The following KMT2C variants were observed in gnomAD, a reference collection of about 807,000 sequenced individuals.
The protein encoded by KMT2C is lysine methyltransferase 2C.
In KMT2C, 88 loss-of-function variants were observed where a neutral mutation model predicts 507.9. That is an observed-to-expected ratio of 0.17 (90% CI 0.15 to 0.21). The LOEUF (loss-of-function observed/expected upper bound fraction) is 0.21, where lower values mean the gene tolerates loss of function less well. Among genes scored for constraint, KMT2C ranks in the 10% least tolerant of loss-of-function variants. The pLI is 1.00. For synonymous variants in KMT2C, 2,049 were observed against 2,080.8 expected, an observed-to-expected ratio of 0.98 and a Z score of 0.42; for missense variants, 4,954 against 5,957.8, an observed-to-expected ratio of 0.83 and a Z score of 5.55.
intron 3 of KMT2C, among the ~76,000 whole-genome samples, chr7:152,326,090 C>G (rs2096826205): frequency 1.3e-5 from 2 of 152,136 alleles, no homozygotes; most frequent in South Asian, 2.1e-4. Flanking sequence ...TGTGGTAATA[C>G]AGCACTGACT....
intron 25 of KMT2C, among the ~76,000 whole-genome samples, chr7:152,204,256 C>T (rs143294041): frequency 0.018 from 2,773 of 152,166 alleles, 46 homozygotes; most frequent in Non-Finnish European, 0.028. Flanking sequence ...TGAGACGGCA[C>T]CACAGCACTC....
chr7:152,389,377 G>A (rs1031080959), intron 1 of KMT2C, among the ~76,000 whole-genome samples: 4 of 144,374 alleles, frequency 2.8e-5, no homozygotes, highest in African/African-American at 1.1e-4. Flanking sequence ...AAAAAATACT[G>A]TCACTTACGT....
At chr7:152,324,821 A>G (rs1300848481) in intron 3 of KMT2C, among the ~76,000 whole-genome samples, 1 of 152,022 alleles carries the variant, frequency 6.6e-6, no homozygotes, top group Non-Finnish European at 1.5e-5. Flanking sequence ...GGACATTACA[A>G]TATTACAAAA....
intron 2 of KMT2C, among the ~76,000 whole-genome samples, chr7:152,332,850 A>AC (rs2096896239): frequency 7.8e-6 from 1 of 128,110 alleles, no homozygotes; most frequent in African/African-American, 3.3e-5. Flanking sequence ...CTGCGTCTCA[A>AC]AACACACACA....
chr7:152,196,636 G>C (rs1055594131), intron 27 of KMT2C, among the ~76,000 whole-genome samples: 1 of 152,194 alleles, frequency 6.6e-6, no homozygotes, highest in Non-Finnish European at 1.5e-5. Flanking sequence ...TACTTTCTCA[G>C]GGGGAGTTAG....
chr7:152,207,634 C>A (rs1296770411), intron 23 of KMT2C, among the ~76,000 whole-genome samples: 1 of 152,086 alleles, frequency 6.6e-6, no homozygotes, highest in Admixed American at 6.5e-5. Flanking sequence ...TGAAATAAAA[C>A]ATAATCAGAG....
At chr7:152,279,539 T>C (rs1177751354) in intron 6 of KMT2C, among the ~76,000 whole-genome samples, 1 of 152,236 alleles carries the variant, frequency 6.6e-6, no homozygotes, top group Non-Finnish European at 1.5e-5. Flanking sequence ...TAAAGCTGAC[T>C]GAAATAAAAC....
chr7:152,310,502 T>G (rs1027348186), intron 5 of KMT2C, among the ~76,000 whole-genome samples: 1 of 152,004 alleles, frequency 6.6e-6, no homozygotes, highest in East Asian at 1.9e-4. Context: ...GGGACAGAGG[T>G]TGCAGTGAGC....
chr7:152,205,701 A>AT (rs1213128941), intron 24 of KMT2C, among the ~76,000 whole-genome samples: 2 of 152,144 alleles, frequency 1.3e-5, no homozygotes, highest in South Asian at 2.1e-4. Context: ...CAATTACTTT[A>AT]TTTTTTTAAA....
rs1314958527 is a variant in KMT2C at position 152,177,387 on chromosome 7, A to G, written c.8066T>C (p.Leu2689Pro). 2 of 1,614,210 alleles carry G rather than the reference A, an allele frequency of 1.2e-6. No homozygotes were observed. Among genetic ancestry groups the G allele is most frequent in the Non-Finnish European group, 1.7e-6 (2 of 1,180,032 alleles). The change falls in exon 38 of 59, where the codon CTT becomes CCT. Residue 2689 changes from leucine (L) to proline (P), a missense_variant. Physicochemically the swap from Leu to Pro is moderately conservative, Grantham distance 98. Transcript: ENST00000262189. ...TQPSDGLEEK[L>P]DSDDPSVKEL... The stretch of plus-strand genomic sequence containing the variant: ...CTTCACAGAAGGGTCATCAGAATCA[A>G]GTTTTTCCTCTAGACCATCAGAAGG...
chr7:152,323,500 G>A (rs1005907404), intron 3 of KMT2C, among the ~76,000 whole-genome samples: 1 of 151,376 alleles, frequency 6.6e-6, no homozygotes, highest in Non-Finnish European at 1.5e-5. Context: ...TTAGCCTGGT[G>A]TGGTGAGCAC....
chr7:152,185,463 T>C (rs978651690), intron 34 of KMT2C, 95 bp downstream of exon 34: 1 of 890,326 alleles, frequency 1.1e-6, no homozygotes, highest in Non-Finnish European at 1.8e-6. Flanking sequence ...ACAAGCATTT[T>C]CTGAAATGGA....
In KMT2C at chr7:152,178,160, T is replaced by C. The variant is rs2093295455; in HGVS notation, c.7443-150A>G. ...ACTTACAAAAGCAAAGCTATCACCA[T>C]TAAAAAGTATTTACAGTATTCATAT... On this transcript the variant is annotated intron_variant, in intron 37 of 58. Coordinates refer to ENST00000262189, the MANE Select transcript of KMT2C (RefSeq NM_170606.3). 2.3e-5 allele frequency: 19 copies of C among 810,988 alleles called. No homozygotes were observed. The South Asian group carries it at 7.1e-4, about 30-fold the overall frequency. The allele number at this position is 810,988 out of a possible 1,614,324, so 50.2% of individuals were successfully genotyped here. A position where few individuals can be genotyped will look rare whatever the true frequency, so the allele number is the denominator to read the frequency against.
chr7:152,146,690 T>C lies in KMT2C; in HGVS notation c.13940A>G (p.Lys4647Arg), dbSNP rs775984266. 2 of 1,614,064 alleles carry C rather than the reference T, an allele frequency of 1.2e-6. No individual in the cohort carries two copies. The highest frequency in any genetic ancestry group is 1.3e-5 in the African/African-American group (1 of 75,026). ...TGGGAAAAGCTGGAGCATTTCAGACTTTTTTCTCACACATGCCACAGGCTC... is the reference window on the plus strand; with the variant it reads ...TGGGAAAAGCTGGAGCATTTCAGACCTTTTTCTCACACATGCCACAGGCTC... Reference protein sequence around the residue: ...ILEPVACVRKKSEMLQLFPAY... With the variant: ...ILEPVACVRKRSEMLQLFPAY... The change falls in exon 53 of 59, where the codon AAG becomes AGG. Residue 4647 changes from lysine to arginine, a missense_variant. Lys to Arg is a conservative substitution (Grantham distance 26). Coordinates refer to ENST00000262189, the MANE Select transcript of KMT2C (RefSeq NM_170606.3).
Position 152,248,534 on chromosome 7 carries a change from C to T in KMT2C, c.1900G>A (p.Val634Met). The T allele has an allele frequency of 1.2e-6, 2 of 1,614,040 alleles. No homozygotes were observed. The highest frequency in any genetic ancestry group is 1.7e-6 in the Non-Finnish European group (2 of 1,179,960). Residue 634 changes from valine (V) to methionine (M), a missense_variant, in exon 14 of 59, where the codon GTG becomes ATG. Around this residue, in one of 29 missense-constraint regions of KMT2C, gnomAD observed 376 missense variants for 352.4 expected, o/e 1.07. Coordinates refer to ENST00000262189, the MANE Select transcript of KMT2C (RefSeq NM_170606.3). ...DSEDLKMSSE[V>M]KHICGEDQIE... ...TGATCTTCGCCACAAATATGCTTCA[C>T]TTCAGAAGACATTTTCAGGTCTTCA... is the stretch of plus-strand genomic sequence containing the variant.
intron 6 of KMT2C, among the ~76,000 whole-genome samples, chr7:152,280,771 T>C (rs994777827): frequency 6.6e-6 from 1 of 152,212 alleles, no homozygotes; most frequent in African/African-American, 2.4e-5. Flanking sequence ...ATTGCTTTAT[T>C]GTAACAGATA....
chr7:152,156,560 T>G (rs1159504190), intron 44 of KMT2C, among the ~76,000 whole-genome samples: 1 of 152,218 alleles, frequency 6.6e-6, no homozygotes, highest in Non-Finnish European at 1.5e-5. Flanking sequence ...CCAACTTGCT[T>G]ACTTTACCCA....
At chr7:152,157,738 A>T (rs1385329153) in intron 44 of KMT2C, 1 of 1,191,590 alleles carries the variant, frequency 8.4e-7, no homozygotes, top group Non-Finnish European at 1.1e-6. Context: ...GAAGCAAGAC[A>T]ACACCTTGGC....
chr7:152,395,183 T>C (rs1589708926), intron 1 of KMT2C, among the ~76,000 whole-genome samples: 1 of 152,264 alleles, frequency 6.6e-6, no homozygotes, highest in East Asian at 1.9e-4. Context: ...TAAAAAAATT[T>C]TAAGGGTTTT....
Sources: allele counts gnomAD v4.1 joint callset (sites outside exome capture counted in the v4.1 genomes callset), GRCh38; gene constraint gnomAD v4.1.1; regional missense constraint gnomAD v4.1.1; transcripts MANE v1.5; gene names NCBI Gene and HGNC (gene_info 2026-07-23, HGNC 2026-07-21).